RNF144A: variants seen among roughly 807,000 people sequenced by gnomAD.
RNF144A encodes the protein E3 ubiquitin-protein ligase RNF144A.
A neutral mutation model predicts 38.7 loss-of-function variants in RNF144A; 11 were observed. The observed-to-expected ratio is 0.28, with a 90% CI of 0.18 to 0.47. The LOEUF is 0.47. RNF144A is among the 20% of genes least tolerant of loss of function. The pLI, the probability that RNF144A is intolerant of heterozygous loss-of-function variation, is 0.99. For synonymous variants in RNF144A, 149 were observed against 143.9 expected, an observed-to-expected ratio of 1.04 and a Z score of -0.25; for missense variants, 316 against 377.2, an observed-to-expected ratio of 0.84 and a Z score of 1.34.
At chr2:6,970,064 C>A (rs544099253) in intron 2 of RNF144A, among the ~76,000 whole-genome samples, 2 of 152,280 alleles carry the variant, frequency 1.3e-5, no homozygotes, top group South Asian at 4.1e-4. Context: ...CTGGCCAAAT[C>A]TTTTATAAAA....
intron 6 of RNF144A, among the ~76,000 whole-genome samples, chr2:7,051,034 T>G (rs1673499553): frequency 6.6e-6 from 1 of 152,262 alleles, no homozygotes; most frequent in East Asian, 1.9e-4. Flanking sequence ...CACAGACCAA[T>G]GCAAATGCAC....
At chr2:6,976,480 CTT>C (rs1304425904) in intron 2 of RNF144A, among the ~76,000 whole-genome samples, 1 of 151,340 alleles carries the variant, frequency 6.6e-6, no homozygotes, top group East Asian at 2.0e-4. Flanking sequence ...GAGAATAACT[CTT>C]TGGGATACAT....
At chr2:6,938,868 GCA>G (rs1452134122) in intron 1 of RNF144A, among the ~76,000 whole-genome samples, 1 of 151,970 alleles carries the variant, frequency 6.6e-6, no homozygotes, top group Non-Finnish European at 1.5e-5. Context: ...CTCTCATCTG[GCA>G]CAATGTTTTC....
intron 6 of RNF144A, among the ~76,000 whole-genome samples, chr2:7,067,091 G>C (rs570420434): frequency 3.9e-5 from 6 of 152,192 alleles, no homozygotes; most frequent in Non-Finnish European, 7.4e-5. Flanking sequence ...GGTAAATGGA[G>C]AGAGAGAAAT....
At chr2:7,016,648 A>G (rs185626008) in intron 5 of RNF144A, among the ~76,000 whole-genome samples, 1 of 151,908 alleles carries the variant, frequency 6.6e-6, no homozygotes, top group East Asian at 1.9e-4. Flanking sequence ...ACTTCATACT[A>G]TAAAAGACCT....
At position 7,068,259 on chromosome 2, in the gene RNF144A, CTGAG is replaced by C; in HGVS notation, c.781_784del (p.Glu261ValfsTer?). The C allele has an allele frequency of 7.7e-7, 1 of 1,302,172 alleles. No homozygotes were observed. The highest frequency in any genetic ancestry group is 1.0e-6 in the Non-Finnish European group (1 of 986,746). The allele number at this position is 1,302,172 out of a possible 1,614,324, so 80.7% of individuals were successfully genotyped here. A position where few individuals can be genotyped will look rare whatever the true frequency, so the allele number is the denominator to read the frequency against. On this transcript the variant is annotated frameshift_variant, in exon 7 of 7. Transcript: ENST00000432850. LOFTEE classifies it high-confidence loss of function. ...AAATGCATTCTCCATAATACTGAAT[CTGAG>C]TGTCATCTGTAAGAGGTGGGTTGTT...
downstream of RNF144A, among the ~76,000 whole-genome samples, chr2:7,047,923 T>C (rs1012851803): frequency 6.6e-6 from 1 of 152,178 alleles, no homozygotes; most frequent in Non-Finnish European, 1.5e-5. Context: ...AACCCAAGTC[T>C]GCCCTGCGGG....
chr2:6,965,467 T>A (rs1659278963), intron 2 of RNF144A, among the ~76,000 whole-genome samples: 2 of 152,154 alleles, frequency 1.3e-5, no homozygotes, highest in Non-Finnish European at 2.9e-5. Flanking sequence ...GTCTATATAT[T>A]CAGGGCCTTT....
intron 3 of RNF144A, among the ~76,000 whole-genome samples, chr2:7,007,595 A>C (rs1318856373): frequency 1.3e-5 from 2 of 152,140 alleles, no homozygotes; most frequent in African/African-American, 4.8e-5. Context: ...CCAAGCCACA[A>C]TATGCCTTTC....
intron 6 of RNF144A, among the ~76,000 whole-genome samples, chr2:7,063,438 C>T (rs1674057851): frequency 6.6e-6 from 1 of 152,084 alleles, no homozygotes; most frequent in South Asian, 2.1e-4. Context: ...TTGATTTGCA[C>T]ACTTGGAACT....
chr2:6,989,121 A>T (rs913540551), intron 2 of RNF144A, among the ~76,000 whole-genome samples: 2 of 152,190 alleles, frequency 1.3e-5, no homozygotes, highest in African/African-American at 4.8e-5. Context: ...GCAAACTGGG[A>T]TGTCATTCCT....
chr2:7,039,618 C>T lies in RNF144A; in HGVS notation c.748-11C>T. 1 of 1,613,820 alleles carries T rather than the reference C, an allele frequency of 6.2e-7. No individual in the cohort carries two copies. The highest frequency in any genetic ancestry group is 1.3e-5 in the African/African-American group (1 of 74,984). Reference sequence around the variant, plus strand: ...CCTCCTTACCTCTACCCCTTTGTTTCTTTCTTCCAGGTTGTGGGCATTTTT... The same window carrying T: ...CCTCCTTACCTCTACCCCTTTGTTTTTTTCTTCCAGGTTGTGGGCATTTTT... On this transcript the variant is annotated splice_polypyrimidine_tract_variant and intron_variant, in intron 8 of 8. Transcript: ENST00000320892.
At chr2:6,974,362 G>A (rs974496548) in intron 2 of RNF144A, among the ~76,000 whole-genome samples, 2 of 152,158 alleles carry the variant, frequency 1.3e-5, no homozygotes, top group Non-Finnish European at 2.9e-5. Context: ...TGCCGTTGCC[G>A]TGTCCGTGGT....
chr2:6,976,927 T>C (rs1403039761), intron 2 of RNF144A, among the ~76,000 whole-genome samples: 9 of 152,240 alleles, frequency 5.9e-5, no homozygotes, highest in Non-Finnish European at 1.2e-4. Flanking sequence ...GAAAATATTA[T>C]ATTCATGCAC....
At chr2:7,070,191 A>T (rs566883816), downstream of RNF144A, among the ~76,000 whole-genome samples, 42 of 152,014 alleles carry the variant, frequency 2.8e-4, no homozygotes, top group African/African-American at 9.9e-4. Flanking sequence ...TCTTTTTGAG[A>T]CAGGGTTTGA....
At chr2:7,030,274 T>C in intron 8 of RNF144A, 59 bp downstream of exon 8, 1 of 789,508 alleles carries the variant, frequency 1.3e-6, no homozygotes. Flanking sequence ...TGTGTGTGTG[T>C]GTGTGTGTGT....
intron 2 of RNF144A, among the ~76,000 whole-genome samples, chr2:6,955,013 G>A (rs1666913939): frequency 6.6e-6 from 1 of 152,060 alleles, no homozygotes; most frequent in Non-Finnish European, 1.5e-5. Flanking sequence ...TTTTTTCTGT[G>A]TGACTTGAAA....
chr2:7,067,536 T>TA (rs1005055057), intron 6 of RNF144A, among the ~76,000 whole-genome samples: 11 of 152,202 alleles, frequency 7.2e-5, no homozygotes, highest in South Asian at 2.1e-4. Context: ...TTCCGACTAT[T>TA]AAAAAAATCC....
At chr2:6,961,371 A>T (rs1347706815) in intron 2 of RNF144A, among the ~76,000 whole-genome samples, 2 of 150,824 alleles carry the variant, frequency 1.3e-5, no homozygotes, top group Non-Finnish European at 2.9e-5. Context: ...TATTTTCCAG[A>T]TTGAATTCCT....
Sources: allele counts gnomAD v4.1 joint callset (sites outside exome capture counted in the v4.1 genomes callset), GRCh38; gene constraint gnomAD v4.1.1; transcripts MANE v1.5; gene names NCBI Gene and HGNC (gene_info 2026-07-23, HGNC 2026-07-21).